Variants in NBDY observed in about 807,000 individuals in gnomAD.
NBDY encodes the protein negative regulator of P-body association.
intron 2 of NBDY, among the ~76,000 whole-genome samples, chrX:56,735,243 G>A (rs757703140): frequency 8.9e-6 from 1 of 112,144 alleles, no homozygotes; most frequent in East Asian, 2.8e-4. Flanking sequence ...ATAACAAGCA[G>A]GACGATAACC....
chrX:56,795,379 C>T (rs749215814), intron 2 of NBDY, among the ~76,000 whole-genome samples: 3 of 111,899 alleles, frequency 2.7e-5, no homozygotes, highest in African/African-American at 9.7e-5. Flanking sequence ...GAAAGCCTGA[C>T]GTGGTCCATC....
In NBDY at chrX:56,737,360, T is replaced by G. The variant is rs41306884; in HGVS notation, c.*166+5161T>G. ...CCACTGCTCTTTAGGCAAGATCTGATGCTTCATGGTCAGGTCCAATGCACT... is the reference window on the plus strand; with the variant it reads ...CCACTGCTCTTTAGGCAAGATCTGAGGCTTCATGGTCAGGTCCAATGCACT... On this transcript the variant is annotated intron_variant, in intron 2 of 2. Coordinates refer to ENST00000374922, the MANE Select transcript of NBDY (RefSeq NM_001348129.2). 1.1e-3 allele frequency: 736 copies of G among 698,432 alleles called. 1 individual carries two copies. The highest frequency in any genetic ancestry group is 1.5e-3 in the Non-Finnish European group (631 of 433,631). The allele number at this position is 698,432 out of a possible 1,213,427, so 57.6% of individuals were successfully genotyped here.
At chrX:56,811,390 G>T (rs1172875064) in intron 2 of NBDY, among the ~76,000 whole-genome samples, 1 of 112,039 alleles carries the variant, frequency 8.9e-6, no homozygotes, top group Admixed American at 9.5e-5. Flanking sequence ...TCACAAGGAG[G>T]TGGGGGTTTT....
intron 2 of NBDY, among the ~76,000 whole-genome samples, chrX:56,767,410 G>C (rs1380017891): frequency 8.8e-6 from 1 of 113,365 alleles, no homozygotes; most frequent in Admixed American, 9.2e-5. Context: ...GAGCCCCTCA[G>C]CCCGCCGCTA....
At chrX:56,800,609 T>G (rs756317463) in intron 2 of NBDY, among the ~76,000 whole-genome samples, 10 of 112,041 alleles carry the variant, frequency 8.9e-5, no homozygotes, top group Non-Finnish European at 1.9e-4. Flanking sequence ...CCTTTCCACC[T>G]GGGATATCCT....
chrX:56,742,352 T>C (rs961605994), intron 2 of NBDY, among the ~76,000 whole-genome samples: 2 of 111,954 alleles, frequency 1.8e-5, no homozygotes, highest in African/African-American at 3.2e-5. Flanking sequence ...GATTGTTTTT[T>C]CTATTTCTGT....
intron 2 of NBDY, among the ~76,000 whole-genome samples, chrX:56,758,907 C>T (rs1302087436): frequency 8.9e-6 from 1 of 112,008 alleles, no homozygotes; most frequent in Non-Finnish European, 1.9e-5. Context: ...TCCAGGCAGA[C>T]ATGCAAAAGC....
chrX:56,749,910 C>T (rs1336952135), intron 2 of NBDY, among the ~76,000 whole-genome samples: 1 of 111,483 alleles, frequency 9.0e-6, no homozygotes, highest in Non-Finnish European at 1.9e-5. Flanking sequence ...TTCAGCCTCC[C>T]AAAGTGCTAG....
intron 2 of NBDY, among the ~76,000 whole-genome samples, chrX:56,739,329 C>T (rs1026880152): frequency 1.0e-5 from 1 of 96,405 alleles, no homozygotes; most frequent in Non-Finnish European, 2.1e-5. Context: ...GAAACTGTCT[C>T]TCACTTTTAT....
At chrX:56,762,902 T>C (rs1364999773) in intron 2 of NBDY, among the ~76,000 whole-genome samples, 1 of 110,177 alleles carries the variant, frequency 9.1e-6, no homozygotes. Flanking sequence ...AACACACACA[T>C]AGACACACAA....
intron 2 of NBDY, among the ~76,000 whole-genome samples, chrX:56,756,380 C>G (rs755992982): frequency 1.4e-3 from 151 of 106,732 alleles, no homozygotes; most frequent in African/African-American, 4.9e-3. Flanking sequence ...ATTAAAAGAT[C>G]CATTTGGAAA....
intron 2 of NBDY, among the ~76,000 whole-genome samples, chrX:56,797,914 TGCAGACACACACAC>T (rs1174559839): frequency 1.8e-5 from 2 of 111,509 alleles, no homozygotes; most frequent in African/African-American, 6.5e-5. Flanking sequence ...CAAACACACA[TGCAGACACACACAC>T]GCAGGCACAC....
chrX:56,746,886 T>C (rs753723188), intron 2 of NBDY, among the ~76,000 whole-genome samples: 49 of 112,154 alleles, frequency 4.4e-4, no homozygotes, highest in Non-Finnish European at 8.3e-4. Flanking sequence ...CTGACTCAGA[T>C]GATATGCTTT....
At chrX:56,762,041 A>G (rs1242163362) in intron 2 of NBDY, among the ~76,000 whole-genome samples, 2 of 110,411 alleles carry the variant, frequency 1.8e-5, no homozygotes, top group Non-Finnish European at 3.8e-5. Flanking sequence ...TTGTGGATCA[A>G]AGCTTTTGAT....
intron 2 of NBDY, among the ~76,000 whole-genome samples, chrX:56,734,863 A>G (rs1160650617): frequency 8.9e-6 from 1 of 112,297 alleles, no homozygotes; most frequent in African/African-American, 3.2e-5. Context: ...TGTGCCAGAG[A>G]CTGTTTGACA....
At chrX:56,809,378 G>T (rs1399203949) in intron 2 of NBDY, among the ~76,000 whole-genome samples, 1 of 111,661 alleles carries the variant, frequency 9.0e-6, no homozygotes, top group African/African-American at 3.3e-5. Flanking sequence ...CACTGTTTTT[G>T]TGTGGGAATG....
chrX:56,736,074 A>G (rs1308891093), intron 2 of NBDY, among the ~76,000 whole-genome samples: 1 of 111,326 alleles, frequency 9.0e-6, no homozygotes, highest in African/African-American at 3.3e-5. Flanking sequence ...TGTAACACAA[A>G]TTTGTTTTTC....
intron 2 of NBDY, among the ~76,000 whole-genome samples, chrX:56,812,034 G>A (rs2069889699): frequency 9.0e-6 from 1 of 111,224 alleles, no homozygotes; most frequent in Non-Finnish European, 1.9e-5. Flanking sequence ...CTTTCTTGGT[G>A]AGGTGACACC....
intron 2 of NBDY, among the ~76,000 whole-genome samples, chrX:56,801,977 GACACACACACACACACACACAC>G (rs5902560): frequency 8.0e-5 from 8 of 99,599 alleles, no homozygotes; most frequent in African/African-American, 3.0e-4. Flanking sequence ...CAAACTCATA[GACACACACACACACACACACAC>G]ACACACACAC....
Sources: gnomAD v4.1 joint callset for allele counts (sites outside exome capture counted in the v4.1 genomes callset) on GRCh38, gnomAD v4.1.1 for gene constraint, MANE v1.5 for transcripts, NCBI Gene and HGNC (gene_info 2026-07-23, HGNC 2026-07-21) for gene names.